The following FAT3 variants were observed in gnomAD, a reference collection of about 807,000 sequenced individuals.
FAT3 encodes protocadherin Fat 3.
In FAT3, 95 loss-of-function variants were observed where a neutral mutation model predicts 310.2. That is an observed-to-expected ratio of 0.31 (90% CI 0.26 to 0.36). FAT3 has a LOEUF of 0.36. FAT3 is among the 10% of genes least tolerant of loss of function. The probability of loss-of-function intolerance (pLI) is 1.00; values close to 1 mark genes in which losing one functional copy is unlikely to be tolerated. For synonymous variants in FAT3, 2,314 were observed against 2,192.9 expected (o/e 1.06, Z -1.54); for missense variants, 5,408 against 5,715.6 (o/e 0.95, Z 1.74).
chr11:92,747,003 C>T (rs891702841), intron 4 of FAT3, among the ~76,000 whole-genome samples: 8 of 152,298 alleles, frequency 5.3e-5, no homozygotes, highest in Middle Eastern at 3.4e-3. Context: ...TCCAGGTGCA[C>T]AGTGCAAGCT....
At chr11:92,234,744 A>G (rs1200149450) in intron 1 of FAT3, among the ~76,000 whole-genome samples, 2 of 152,104 alleles carry the variant, frequency 1.3e-5, no homozygotes, top group Non-Finnish European at 2.9e-5. Flanking sequence ...TCTACTAAAA[A>G]TATAAAAATT....
At position 92,806,719 on chromosome 11, in the gene FAT3, T is replaced by G. The variant is rs536870587; in HGVS notation, c.9247+204T>G. ...TAACAGGAGAAAAGGCATATGGATT[T>G]ACTTATGTGAACGTGGGTAACACAG... On this transcript the variant is annotated intron_variant, in intron 12 of 27. Coordinates refer to ENST00000525166, the MANE Select transcript of FAT3 (RefSeq NM_001367949.2). Among the ~76,000 whole-genome samples, 80 of 152,300 alleles carry G rather than the reference T, an allele frequency of 5.3e-4. No homozygotes were observed. The South Asian group carries it at 0.016, about 30-fold the overall frequency.
At chr11:92,618,321 C>A (rs534436382) in intron 3 of FAT3, among the ~76,000 whole-genome samples, 1 of 152,278 alleles carries the variant, frequency 6.6e-6, no homozygotes, top group South Asian at 2.1e-4. Context: ...TTGCTAAGAC[C>A]GTTGGAAAAG....
At chr11:92,658,309 A>C (rs1942651944) in intron 3 of FAT3, among the ~76,000 whole-genome samples, 1 of 152,224 alleles carries the variant, frequency 6.6e-6, no homozygotes, top group Admixed American at 6.5e-5. Flanking sequence ...TTTTAAATTT[A>C]AGTTTGAACT....
At chr11:92,665,302 C>G (rs774524888) in intron 3 of FAT3, among the ~76,000 whole-genome samples, 6 of 152,136 alleles carry the variant, frequency 3.9e-5, no homozygotes, top group Non-Finnish European at 7.3e-5. Context: ...CCAGATGCCT[C>G]TCACAACATG....
chr11:92,440,331 G>T (rs1951037803), intron 2 of FAT3, among the ~76,000 whole-genome samples: 1 of 152,194 alleles, frequency 6.6e-6, no homozygotes, highest in South Asian at 2.1e-4. Context: ...GTGGGCAAGT[G>T]GAGCCAGTGC....
chr11:92,577,918 TA>T (rs1450352727), intron 3 of FAT3, among the ~76,000 whole-genome samples: 1 of 151,464 alleles, frequency 6.6e-6, no homozygotes, highest in Non-Finnish European at 1.5e-5. Context: ...ATAGAGAAAA[TA>T]AAGATAGAGA....
chr11:92,613,743 A>ATAGTGATAGAGGATGT (rs1940677653), intron 3 of FAT3, among the ~76,000 whole-genome samples: 2 of 152,186 alleles, frequency 1.3e-5, no homozygotes, highest in Non-Finnish European at 2.9e-5. Flanking sequence ...GAGTAAAATA[A>ATAGTGATAGAGGATGT]GTGATAGAGG....
Position 92,893,151 on chromosome 11 carries a change from G to C in FAT3, c.*2038G>C, listed in dbSNP as rs1949952584. 1 of 148,626 alleles carries C rather than the reference G, an allele frequency of 6.7e-6. No homozygotes were observed. Among genetic ancestry groups the C allele is most frequent in the South Asian group, 2.1e-4 (1 of 4,658 alleles). 9.2% of individuals were successfully genotyped at this position (148,626 alleles called of 1,614,324 possible). ...TTTTTATGAGTCAGTGTTTCTGAATGTTTATGCAAAAAAAAAAATCCTTTT... is the reference window on the plus strand; with the variant it reads ...TTTTTATGAGTCAGTGTTTCTGAATCTTTATGCAAAAAAAAAAATCCTTTT... On this transcript the variant is annotated 3_prime_UTR_variant, in exon 28 of 28. Coordinates refer to ENST00000525166, the MANE Select transcript of FAT3 (RefSeq NM_001367949.2).
At chr11:92,770,026 G>T (rs1166821801) in intron 6 of FAT3, among the ~76,000 whole-genome samples, 1 of 152,310 alleles carries the variant, frequency 6.6e-6, no homozygotes, top group East Asian at 1.9e-4. Flanking sequence ...TCTAGCGAAA[G>T]ACTCTTACCC....
chr11:92,724,165 A>G (rs1217630746), intron 4 of FAT3, among the ~76,000 whole-genome samples: 4 of 152,070 alleles, frequency 2.6e-5, no homozygotes, highest in Non-Finnish European at 5.9e-5. Flanking sequence ...ACTGTGGTGA[A>G]CTGGTGAGAG....
chr11:92,352,949 G>A lies in FAT3; in HGVS notation c.837G>A (p.Glu279=), dbSNP rs755183364. 38 of 1,613,742 alleles carry A rather than the reference G, an allele frequency of 2.4e-5. No homozygotes were observed. The highest frequency in any genetic ancestry group is 3.2e-5 in the Non-Finnish European group (38 of 1,179,866). ...ATGTTCCTTTCTCGTTGGAAAAAGA[G>A]CCAACATATGCAGTGGTGACAGTTG... is the stretch of plus-strand genomic sequence containing the variant. ...VTHVPFSLEK[E]PTYAVVTVDD... The change falls in exon 2 of 28, where the codon GAG becomes GAA. Residue 279 remains glutamate, a synonymous_variant. Coordinates refer to ENST00000525166, the MANE Select transcript of FAT3 (RefSeq NM_001367949.2).
At chr11:92,324,461 G>C (rs1055588502) in intron 1 of FAT3, among the ~76,000 whole-genome samples, 1 of 152,190 alleles carries the variant, frequency 6.6e-6, no homozygotes, top group Non-Finnish European at 1.5e-5. Context: ...GGCCCGAGGA[G>C]AGGGAGAGAG....
intron 3 of FAT3, among the ~76,000 whole-genome samples, chr11:92,567,350 C>T (rs1465358998): frequency 1.3e-5 from 2 of 150,376 alleles, no homozygotes; most frequent in Non-Finnish European, 3.0e-5. Context: ...CATCTCACAC[C>T]AGTTAGAATG....
intron 13 of FAT3, among the ~76,000 whole-genome samples, chr11:92,812,454 C>T (rs1032566656): frequency 4.6e-5 from 7 of 151,922 alleles, no homozygotes; most frequent in Middle Eastern, 3.4e-3. Context: ...GGTGGTACTA[C>T]GCCTGTAGTC....
chr11:92,598,226 A>T (rs1341806508), intron 3 of FAT3, among the ~76,000 whole-genome samples: 8 of 125,660 alleles, frequency 6.4e-5, no homozygotes, highest in African/African-American at 2.6e-4. Flanking sequence ...ATATATATAT[A>T]TATATTTTTT....
At chr11:92,339,859 A>G (rs1212973816) in intron 1 of FAT3, among the ~76,000 whole-genome samples, 2 of 152,046 alleles carry the variant, frequency 1.3e-5, no homozygotes, top group African/African-American at 4.8e-5. Flanking sequence ...CAAGCCTGTA[A>G]TTCCAGCACT....
intron 1 of FAT3, among the ~76,000 whole-genome samples, chr11:92,229,536 T>G (rs1156940787): frequency 7.3e-6 from 1 of 137,242 alleles, no homozygotes; most frequent in Non-Finnish European, 1.5e-5. Flanking sequence ...ATTGCCTCCC[T>G]TTCTCCAAAT....
intron 3 of FAT3, among the ~76,000 whole-genome samples, chr11:92,674,532 A>T (rs1248680138): frequency 6.6e-6 from 1 of 151,476 alleles, no homozygotes; most frequent in East Asian, 1.9e-4. Context: ...AATTTAATTA[A>T]TTTTTTTTAA....
Sources: allele counts gnomAD v4.1 joint callset (sites outside exome capture counted in the v4.1 genomes callset), GRCh38; gene constraint gnomAD v4.1.1; transcripts MANE v1.5; gene names NCBI Gene and HGNC (gene_info 2026-07-23, HGNC 2026-07-21).